Variants in AKR1C3 observed in about 807,000 individuals in gnomAD.
AKR1C3 encodes the protein 3-alpha hydroxysteroid dehydrogenase, type II.
In AKR1C3, 48 loss-of-function variants were observed where a neutral mutation model predicts 43.6. The ratio of observed to expected loss-of-function variants is 1.10; its 90% CI spans 0.87 to 1.40. The LOEUF (loss-of-function observed/expected upper bound fraction) is 1.40, where lower values mean the gene tolerates loss of function less well. AKR1C3 is among the 40% of genes most tolerant of loss of function. The pLI is 0.00. For missense variants in AKR1C3, 482 were observed against 391.2 expected (o/e 1.23, Z -1.96); for synonymous variants, 162 against 139.6 (o/e 1.16, Z -1.13).
At chr10:5,051,663 C>T (rs1346893396) in intron 1 of AKR1C3, among the ~76,000 whole-genome samples, 2 of 152,174 alleles carry the variant, frequency 1.3e-5, no homozygotes, top group Non-Finnish European at 2.9e-5. Context: ...CATTTTCAGA[C>T]AAATATTAAC....
Position 5,097,463 on chromosome 10 carries a change from G to C in AKR1C3, c.282G>C (p.Leu94Phe). The C allele has an allele frequency of 6.2e-7, 1 of 1,613,666 alleles. No individual in the cohort carries two copies. The highest frequency in any genetic ancestry group is 8.5e-7 in the Non-Finnish European group (1 of 1,179,750). ...GGTCCACTTTTCATCGACCAGAGTT[G>C]GTCCGACCAGCCTTGGAAAACTCAC... ...KLWSTFHRPELVRPALENSLK... is the reference protein window; with the variant it reads ...KLWSTFHRPEFVRPALENSLK... Residue 94 changes from leucine (L) to phenylalanine (F), a missense_variant, in exon 3 of 9, where the codon TTG becomes TTC. Transcript: ENST00000380554.
At chr10:5,050,225 G>T (rs554961419) in intron 1 of AKR1C3, among the ~76,000 whole-genome samples, 1 of 152,228 alleles carries the variant, frequency 6.6e-6, no homozygotes, top group East Asian at 1.9e-4. Flanking sequence ...TTGGATGTTT[G>T]CACATGACCC....
chr10:5,051,165 G>C (rs566669761), intron 1 of AKR1C3, among the ~76,000 whole-genome samples: 9 of 152,132 alleles, frequency 5.9e-5, no homozygotes, highest in Non-Finnish European at 8.8e-5. Context: ...GCGTGGTCTC[G>C]GCTAACTGCA....
At chr10:5,106,713 C>T (rs782692191) in intron 8 of AKR1C3, among the ~76,000 whole-genome samples, 2 of 150,042 alleles carry the variant, frequency 1.3e-5, no homozygotes, top group African/African-American at 4.9e-5. Context: ...GAGATCACAC[C>T]ACTGCACTCC....
chr10:5,055,601 T>A (rs1412883480), intron 1 of AKR1C3, among the ~76,000 whole-genome samples: 1 of 152,236 alleles, frequency 6.6e-6, no homozygotes, highest in Non-Finnish European at 1.5e-5. Context: ...ATTTCCTTAC[T>A]TAGGTACGCC....
At chr10:5,070,061 C>G (rs1367791007) in intron 1 of AKR1C3, among the ~76,000 whole-genome samples, 1 of 152,256 alleles carries the variant, frequency 6.6e-6, no homozygotes, top group African/African-American at 2.4e-5. Context: ...GACCCAGGTC[C>G]CTTAAGCAAA....
intron 2 of AKR1C3, 69 bp from the exon 3 acceptor site, chr10:5,097,365 G>A: frequency 6.4e-7 from 1 of 1,561,560 alleles, no homozygotes; most frequent in Non-Finnish European, 8.7e-7. Context: ...CTAAATACTA[G>A]ATGGCACAAA....
chr10:5,099,305 C>G (rs372480740), intron 4 of AKR1C3, 22 bp from the exon 5 acceptor site: 1 of 1,613,914 alleles, frequency 6.2e-7, no homozygotes, highest in South Asian at 1.1e-5. Flanking sequence ...CAAATAATTC[C>G]TCACAACCCC....
At chr10:5,074,575 T>C (rs999643627) in intron 1 of AKR1C3, among the ~76,000 whole-genome samples, 1 of 152,216 alleles carries the variant, frequency 6.6e-6, no homozygotes, top group African/African-American at 2.4e-5. Context: ...TAAGTGCTGC[T>C]ATCTGTGAGG....
At chr10:5,097,664 A>G in intron 3 of AKR1C3, 114 bp downstream of exon 3, 1 of 1,580,296 alleles carries the variant, frequency 6.3e-7, no homozygotes, top group Non-Finnish European at 8.6e-7. Context: ...ATCACACAGA[A>G]GAAGAACCGT....
In AKR1C3 at chr10:5,102,184, T is replaced by C. The variant is rs782342001; in HGVS notation, c.654T>C (p.Ala218=). 5 of 1,613,796 alleles carry C rather than the reference T, an allele frequency of 3.1e-6. No individual in the cohort carries two copies. In the East Asian group the frequency reaches 8.9e-5, roughly 29 times the overall value. ...SKDIVLVAYS[A]LGSQRDKRWV... is the part of the protein sequence containing the mutation. ...ATATTGTTCTGGTTGCCTATAGTGC[T>C]CTGGGATCTCAACGAGACAAACGAT... The change falls in exon 6 of 9, where the codon GCT becomes GCC. Residue 218 remains alanine (A), a synonymous_variant. Transcript: ENST00000380554.
intron 1 of AKR1C3, chr10:5,080,884 T>C (rs1838823043): frequency 6.6e-6 from 1 of 152,138 alleles, no homozygotes; most frequent in Non-Finnish European, 1.5e-5. Flanking sequence ...AATGATCAAA[T>C]GACGGCCAAA....
intron 7 of AKR1C3, among the ~76,000 whole-genome samples, chr10:5,102,945 G>GA (rs1554786359): frequency 1.5e-5 from 2 of 135,416 alleles, no homozygotes; most frequent in African/African-American, 5.2e-5. Flanking sequence ...GTTTGGTTTT[G>GA]GTTTTTTTTT....
upstream of AKR1C3, among the ~76,000 whole-genome samples, chr10:5,089,860 G>A (rs565914771): frequency 2.6e-5 from 4 of 152,212 alleles, no homozygotes; most frequent in Admixed American, 6.5e-5. Flanking sequence ...TGGAGAAGCC[G>A]AGAGTTCTTG....
At chr10:5,074,118 T>C (rs1346283561) in intron 1 of AKR1C3, among the ~76,000 whole-genome samples, 1 of 152,064 alleles carries the variant, frequency 6.6e-6, no homozygotes, top group African/African-American at 2.4e-5. Flanking sequence ...CCTCCCCACT[T>C]CAAGTTGTCC....
chr10:5,107,247 C>T (rs994865413), intron 8 of AKR1C3, among the ~76,000 whole-genome samples: 12 of 151,702 alleles, frequency 7.9e-5, no homozygotes, highest in Non-Finnish European at 1.0e-4. Context: ...GTGTGTTTTA[C>T]GTGTTAACTT....
intron 1 of AKR1C3, among the ~76,000 whole-genome samples, chr10:5,095,622 A>T (rs10508294): frequency 0.26 from 38,938 of 152,066 alleles, 6,272 homozygotes; most frequent in Non-Finnish European, 0.36. Context: ...TCATTAAAAA[A>T]TACCTTTCAA....
chr10:5,082,398 T>A (rs1452224906), intron 1 of AKR1C3, among the ~76,000 whole-genome samples: 1 of 152,226 alleles, frequency 6.6e-6, no homozygotes, highest in Non-Finnish European at 1.5e-5. Flanking sequence ...GTTTTCTCCA[T>A]GCAATATGAC....
chr10:5,098,947 T>C (rs1460904397), intron 4 of AKR1C3, 68 bp downstream of exon 4: 15 of 1,290,318 alleles, frequency 1.2e-5, no homozygotes, highest in South Asian at 5.2e-5. Context: ...CCAGGTTCAA[T>C]AGGAAAGAAT....
Sources: allele counts gnomAD v4.1 joint callset (sites outside exome capture counted in the v4.1 genomes callset), GRCh38; gene constraint gnomAD v4.1.1; transcripts MANE v1.5; gene names NCBI Gene and HGNC (gene_info 2026-07-23, HGNC 2026-07-21).